Variants in KCNIP4 observed in about 807,000 individuals in gnomAD.
KCNIP4 encodes the protein Kv channel-interacting protein 4.
In KCNIP4, 12 loss-of-function variants were observed where a neutral mutation model predicts 34.0. The observed-to-expected ratio is 0.35, with a 90% CI of 0.23 to 0.57. The LOEUF (loss-of-function observed/expected upper bound fraction) is 0.57, where lower values mean the gene tolerates loss of function less well. Ranked by LOEUF, KCNIP4 falls within the 20% of genes least tolerant of loss-of-function variation. KCNIP4 has a pLI of 0.83. For missense variants in KCNIP4, 238 were observed against 311.7 expected, an observed-to-expected ratio of 0.76 and a Z score of 1.78; for synonymous variants, 124 against 102.2, an observed-to-expected ratio of 1.21 and a Z score of -1.29.
At chr4:21,569,088 G>A (rs1740147672) in intron 1 of KCNIP4, among the ~76,000 whole-genome samples, 1 of 151,734 alleles carries the variant, frequency 6.6e-6, no homozygotes, top group Non-Finnish European at 1.5e-5. Context: ...CCAAACCTGT[G>A]AGACAATATA....
intron 2 of KCNIP4, among the ~76,000 whole-genome samples, chr4:20,865,233 G>T (rs1722748300): frequency 6.6e-6 from 1 of 152,060 alleles, no homozygotes; most frequent in Non-Finnish European, 1.5e-5. Context: ...GGTTGTCTGA[G>T]AGTAATGGAG....
At chr4:21,499,561 T>C (rs944337360) in intron 1 of KCNIP4, among the ~76,000 whole-genome samples, 3 of 141,274 alleles carry the variant, frequency 2.1e-5, no homozygotes, top group Non-Finnish European at 4.4e-5. Flanking sequence ...TAAAATACTT[T>C]CTTCTTCTCC....
intron 3 of KCNIP4, among the ~76,000 whole-genome samples, chr4:20,774,631 GT>G (rs929211147): frequency 3.9e-5 from 6 of 152,194 alleles, no homozygotes; most frequent in African/African-American, 1.4e-4. Context: ...GTTGCGATAA[GT>G]GCTACAAACC....
intron 3 of KCNIP4, among the ~76,000 whole-genome samples, chr4:20,823,088 T>A (rs1359110279): frequency 6.6e-6 from 1 of 152,108 alleles, no homozygotes; most frequent in Non-Finnish European, 1.5e-5. Flanking sequence ...AGTCTGTTCC[T>A]GCTGCTATAA....
At chr4:21,908,863 T>C (rs1030422390) in intron 1 of KCNIP4, among the ~76,000 whole-genome samples, 29 of 152,124 alleles carry the variant, frequency 1.9e-4, no homozygotes, top group African/African-American at 6.8e-4. Flanking sequence ...AACTGGAAAT[T>C]GAGAATGGAG....
At chr4:21,608,462 G>A (rs1254574608) in intron 1 of KCNIP4, among the ~76,000 whole-genome samples, 4 of 152,090 alleles carry the variant, frequency 2.6e-5, no homozygotes, top group African/African-American at 9.7e-5. Flanking sequence ...TGCATTCCTT[G>A]GCTTGTGTCT....
chr4:20,876,088 G>T (rs751669239), intron 2 of KCNIP4, among the ~76,000 whole-genome samples: 4 of 152,164 alleles, frequency 2.6e-5, no homozygotes, highest in Non-Finnish European at 1.5e-5. Flanking sequence ...CTCTAATTTA[G>T]TGAATCAATT....
chr4:20,966,793 A>G (rs1016883538), intron 1 of KCNIP4, among the ~76,000 whole-genome samples: 1 of 152,358 alleles, frequency 6.6e-6, no homozygotes, highest in South Asian at 2.1e-4. Flanking sequence ...TAAAGTAACC[A>G]TTAGAAAATC....
rs745445929 is a variant in KCNIP4 at position 21,575,615 on chromosome 4, G to T, written c.61+372956C>A. Among the ~76,000 whole-genome samples, 34 of 150,914 alleles carry T rather than the reference G, an allele frequency of 2.3e-4. 1 individual carries two copies. Among genetic ancestry groups the T allele is most frequent in the Non-Finnish European group, 2.9e-5 (2 of 67,840 alleles). On this transcript the variant is annotated intron_variant, in intron 1 of 8. Transcript: ENST00000382152. ...ACGTTTTCTGTTATCTGCATAATTT[G>T]TCATCTTCACAAGATTCTACATTCA...
intron 1 of KCNIP4, chr4:21,853,320 A>T (rs1219906840): frequency 1.3e-5 from 2 of 152,216 alleles, no homozygotes; most frequent in African/African-American, 4.8e-5. Context: ...AAGCAGTGGG[A>T]CATTGTAGGC....
intron 1 of KCNIP4, among the ~76,000 whole-genome samples, chr4:21,247,914 C>T (rs1760400606): frequency 7.3e-6 from 1 of 136,458 alleles, no homozygotes; most frequent in Admixed American, 7.5e-5. Context: ...TATATACACA[C>T]ACACACATAT....
At chr4:21,349,075 T>C (rs550075018) in intron 1 of KCNIP4, among the ~76,000 whole-genome samples, 2 of 152,320 alleles carry the variant, frequency 1.3e-5, no homozygotes, top group African/African-American at 4.8e-5. Context: ...TCATAGCTAG[T>C]CTGGCTAAGT....
chr4:20,987,911 G>T (rs1000963904), intron 1 of KCNIP4, among the ~76,000 whole-genome samples: 1 of 146,712 alleles, frequency 6.8e-6, no homozygotes, highest in Non-Finnish European at 1.5e-5. Flanking sequence ...TGAGGCAGGA[G>T]TACCTCGTGA....
intron 1 of KCNIP4, among the ~76,000 whole-genome samples, chr4:21,173,206 A>G (rs777493384): frequency 1.3e-4 from 20 of 152,184 alleles, no homozygotes; most frequent in Non-Finnish European, 2.8e-4. Flanking sequence ...GAGAAGCAAG[A>G]CTTGTAAACT....
At chr4:21,473,095 G>A (rs1730602873) in intron 1 of KCNIP4, among the ~76,000 whole-genome samples, 2 of 152,110 alleles carry the variant, frequency 1.3e-5, no homozygotes, top group African/African-American at 2.4e-5. Context: ...GATTGGCAAC[G>A]TTTCGTTAGA....
chr4:20,749,173 T>A (rs200811105), intron 5 of KCNIP4, among the ~76,000 whole-genome samples: 2 of 132,176 alleles, frequency 1.5e-5, no homozygotes, highest in African/African-American at 2.8e-5. Context: ...AAAAAAAAAA[T>A]ACGTTCTCTA....
chr4:21,349,549 A>G (rs1578112470), intron 1 of KCNIP4, among the ~76,000 whole-genome samples: 1 of 152,240 alleles, frequency 6.6e-6, no homozygotes, highest in East Asian at 1.9e-4. Flanking sequence ...TGAGATGAGG[A>G]ATCTCTTGGC....
At chr4:21,568,872 C>T (rs1279475925) in intron 1 of KCNIP4, among the ~76,000 whole-genome samples, 1 of 152,030 alleles carries the variant, frequency 6.6e-6, no homozygotes, top group Non-Finnish European at 1.5e-5. Flanking sequence ...TTCATCTATC[C>T]TGTTAGTTGT....
intron 3 of KCNIP4, among the ~76,000 whole-genome samples, chr4:20,773,047 G>GAAAA (rs34903951): frequency 1.4e-5 from 2 of 147,144 alleles, no homozygotes; most frequent in Admixed American, 1.3e-4. Flanking sequence ...TGAAGTTAAA[G>GAAAA]AAAAAAAAAA....
Sources: allele counts gnomAD v4.1 joint callset (sites outside exome capture counted in the v4.1 genomes callset), GRCh38; gene constraint gnomAD v4.1.1; transcripts MANE v1.5; gene names NCBI Gene and HGNC (gene_info 2026-07-23, HGNC 2026-07-21).